The following ZDHHC14 variants were observed in gnomAD, a reference collection of about 807,000 sequenced individuals.
The protein encoded by ZDHHC14 is palmitoyltransferase ZDHHC14.
In ZDHHC14, 16 loss-of-function variants were observed where a neutral mutation model predicts 47.7. That is an observed-to-expected ratio of 0.34 (90% CI 0.23 to 0.51). The LOEUF is 0.51. Among genes scored for constraint, ZDHHC14 ranks in the 20% least tolerant of loss-of-function variants. ZDHHC14 has a pLI of 0.97. For synonymous variants in ZDHHC14, 293 were observed against 278.9 expected (o/e 1.05, Z -0.50); for missense variants, 515 against 662.5 (o/e 0.78, Z 2.44).
At chr6:157,519,850 C>G (rs1448591296) in intron 1 of ZDHHC14, among the ~76,000 whole-genome samples, 1 of 152,178 alleles carries the variant, frequency 6.6e-6, no homozygotes, top group Admixed American at 6.5e-5. Context: ...CAGACCCGTC[C>G]CTACCCCAAG....
chr6:157,634,041 T>C (rs1197488614), intron 5 of ZDHHC14, among the ~76,000 whole-genome samples: 3 of 152,176 alleles, frequency 2.0e-5, no homozygotes, highest in East Asian at 1.9e-4. Context: ...CCCTGAGAAC[T>C]GGTATGTGTG....
intron 2 of ZDHHC14, among the ~76,000 whole-genome samples, chr6:157,554,643 A>T (rs1355804659): frequency 6.6e-6 from 1 of 152,234 alleles, no homozygotes; most frequent in Non-Finnish European, 1.5e-5. Context: ...ATTGGACCTA[A>T]AGACTTAACT....
intron 1 of ZDHHC14, among the ~76,000 whole-genome samples, chr6:157,452,624 A>AT (rs1221183845): frequency 1.3e-5 from 2 of 149,710 alleles, no homozygotes. Flanking sequence ...TGGAACTTAG[A>AT]TTTTATAACC....
At chr6:157,645,885 G>A (rs1413923912) in intron 6 of ZDHHC14, 46 bp downstream of exon 6, 2 of 1,532,266 alleles carry the variant, frequency 1.3e-6, no homozygotes, top group East Asian at 4.5e-5. Flanking sequence ...TTGGGTTTTG[G>A]GCAATGGAGG....
intron 3 of ZDHHC14, among the ~76,000 whole-genome samples, chr6:157,603,836 C>T (rs9365161): frequency 0.29 from 44,415 of 151,656 alleles, 6,965 homozygotes; most frequent in East Asian, 0.55. Context: ...ATGCAGTATC[C>T]CTTACAACCT....
rs541927944 is a variant in ZDHHC14, at chr6:157,569,149, T to C, written c.407-23839T>C. On this transcript the variant is annotated intron_variant, in intron 2 of 8. Transcript: ENST00000359775. Reference sequence around the variant, plus strand: ...ACAAGCCAACCTATATAGAAAAAGATTGATAGTCTAACCATATAAAAATTT... The same window carrying C: ...ACAAGCCAACCTATATAGAAAAAGACTGATAGTCTAACCATATAAAAATTT... Among the ~76,000 whole-genome samples the C allele has an allele frequency of 3.9e-5, 6 of 152,216 alleles. No individual in the cohort carries two copies. In the East Asian group the frequency reaches 5.8e-4, roughly 15 times the overall value.
intron 5 of ZDHHC14, among the ~76,000 whole-genome samples, chr6:157,636,851 C>T (rs538928964): frequency 3.3e-5 from 5 of 152,324 alleles, no homozygotes; most frequent in South Asian, 4.1e-4. Flanking sequence ...GGTGCTTTAA[C>T]GTGCAAAGTA....
At chr6:157,409,006 AAAG>A (rs907313412) in intron 1 of ZDHHC14, among the ~76,000 whole-genome samples, 1 of 152,170 alleles carries the variant, frequency 6.6e-6, no homozygotes, top group Admixed American at 6.5e-5. Context: ...ATGGAAAAGA[AAAG>A]AAGGAGGGGC....
chr6:157,566,288 G>A (rs1031514272), intron 2 of ZDHHC14, among the ~76,000 whole-genome samples: 2 of 152,226 alleles, frequency 1.3e-5, no homozygotes, highest in Middle Eastern at 3.4e-3. Context: ...TTGGCTAGCC[G>A]AATCCAGACT....
At chr6:157,410,439 A>G (rs1470451473) in intron 1 of ZDHHC14, among the ~76,000 whole-genome samples, 2 of 152,222 alleles carry the variant, frequency 1.3e-5, no homozygotes, top group East Asian at 3.8e-4. Flanking sequence ...ATGAAAAAGT[A>G]AGAATTGATG....
intron 1 of ZDHHC14, among the ~76,000 whole-genome samples, chr6:157,486,874 T>C (rs898594089): frequency 2.6e-5 from 4 of 152,096 alleles, no homozygotes; most frequent in African/African-American, 7.2e-5. Flanking sequence ...CTGGGCCTCA[T>C]ATGAGGTGAG....
intron 1 of ZDHHC14, among the ~76,000 whole-genome samples, chr6:157,482,570 A>G (rs1372590374): frequency 6.6e-6 from 1 of 151,114 alleles, no homozygotes. Flanking sequence ...TCTATATTTC[A>G]TTTGCTATTT....
chr6:157,456,328 G>A (rs1036129697), intron 1 of ZDHHC14, among the ~76,000 whole-genome samples: 1 of 152,166 alleles, frequency 6.6e-6, no homozygotes, highest in Non-Finnish European at 1.5e-5. Flanking sequence ...CAGGCAGCTC[G>A]TGATCCACTT....
intron 1 of ZDHHC14, among the ~76,000 whole-genome samples, chr6:157,525,703 T>A (rs1781130398): frequency 6.6e-6 from 1 of 152,126 alleles, no homozygotes; most frequent in Non-Finnish European, 1.5e-5. Context: ...CCCTACCGTA[T>A]TGTGGAGTGA....
chr6:157,578,530 C>G (rs1219477286), intron 2 of ZDHHC14, among the ~76,000 whole-genome samples: 1 of 152,172 alleles, frequency 6.6e-6, no homozygotes, highest in South Asian at 2.1e-4. Flanking sequence ...GATCTCTATT[C>G]TGTTCCATTG....
chr6:157,625,262 A>C (rs1255335257), intron 3 of ZDHHC14, among the ~76,000 whole-genome samples: 1 of 152,072 alleles, frequency 6.6e-6, no homozygotes, highest in African/African-American at 2.4e-5. Flanking sequence ...GGTGAGAGAA[A>C]GGGCGGGGTC....
intron 1 of ZDHHC14, among the ~76,000 whole-genome samples, chr6:157,527,614 A>C (rs1297253492): frequency 6.6e-6 from 1 of 152,116 alleles, no homozygotes; most frequent in African/African-American, 2.4e-5. Context: ...TTTGCCACAG[A>C]GCGTATAGGC....
At position 157,458,849 on chromosome 6, in the gene ZDHHC14, A is replaced by ATTTTTTTT. The variant is rs750975822; in HGVS notation, c.245+76598_245+76605dup. Among the ~76,000 whole-genome samples, 37 of 81,210 alleles carry ATTTTTTTT rather than the reference A, an allele frequency of 4.6e-4. 4 individuals are homozygous for ATTTTTTTT. Among genetic ancestry groups the ATTTTTTTT allele is most frequent in the South Asian group, 1.6e-3 (3 of 1,874 alleles). 53.3% of individuals were successfully genotyped at this position (81,210 alleles called of 152,430 possible). On this transcript the variant is annotated intron_variant, in intron 1 of 8. Transcript: ENST00000359775. ...TACAGGTACTAGCAAATGTGGGTGG[A>ATTTTTTTT]TTTTTTTTTTTTTTTTTTTTTTGAG...
chr6:157,541,052 A>G (rs1439019667), intron 1 of ZDHHC14, among the ~76,000 whole-genome samples: 3 of 151,920 alleles, frequency 2.0e-5, no homozygotes, highest in Non-Finnish European at 4.4e-5. Flanking sequence ...TAGTACAAAG[A>G]ACATCCATTC....
Sources: gnomAD v4.1 joint callset for allele counts (sites outside exome capture counted in the v4.1 genomes callset) on GRCh38, gnomAD v4.1.1 for gene constraint, MANE v1.5 for transcripts, NCBI Gene and HGNC (gene_info 2026-07-23, HGNC 2026-07-21) for gene names.